Variants in RIPK1 observed in about 807,000 individuals in gnomAD.
RIPK1 encodes receptor interacting serine/threonine kinase 1.
In RIPK1, 27 loss-of-function variants were observed where a neutral mutation model predicts 62.4. The ratio of observed to expected loss-of-function variants is 0.43; its 90% CI spans 0.32 to 0.60. The LOEUF (loss-of-function observed/expected upper bound fraction) is 0.60, where lower values mean the gene tolerates loss of function less well. Among genes scored for constraint, RIPK1 ranks in the 20% least tolerant of loss-of-function variants. The probability of loss-of-function intolerance (pLI) is 0.07; values close to 1 mark genes in which losing one functional copy is unlikely to be tolerated. For missense variants in RIPK1, 735 were observed against 831.0 expected (o/e 0.88, Z 1.42); for synonymous variants, 287 against 303.2 (o/e 0.95, Z 0.55).
chr6:3,088,224 G>C (rs569714749), intron 6 of RIPK1, among the ~76,000 whole-genome samples: 1 of 152,232 alleles, frequency 6.6e-6, no homozygotes, highest in East Asian at 1.9e-4. Flanking sequence ...GCTGGGTAGA[G>C]GTAGAAGTTC....
intron 7 of RIPK1, among the ~76,000 whole-genome samples, chr6:3,094,874 C>T (rs1760202164): frequency 6.6e-6 from 1 of 151,778 alleles, no homozygotes; most frequent in African/African-American, 2.4e-5. Context: ...CCAGCCTAGG[C>T]CACACAGTGA....
At chr6:3,068,780 C>G (rs899787364) in intron 1 of RIPK1, 119 bp downstream of exon 1, 5 of 526,630 alleles carry the variant, frequency 9.5e-6, no homozygotes, top group Non-Finnish European at 1.2e-5. Context: ...GCTGCCGCGG[C>G]GTCGGAGTAA....
intron 1 of RIPK1, among the ~76,000 whole-genome samples, chr6:3,071,249 T>G (rs898569057): frequency 1.3e-5 from 2 of 152,200 alleles, no homozygotes; most frequent in African/African-American, 4.8e-5. Flanking sequence ...GCCATTCTCT[T>G]GTTATGTGTG....
intron 7 of RIPK1, among the ~76,000 whole-genome samples, chr6:3,090,048 G>A (rs749382290): frequency 3.3e-5 from 5 of 152,196 alleles, no homozygotes; most frequent in African/African-American, 7.2e-5. Context: ...AGTACCGGAG[G>A]GGCAGTCTTG....
chr6:3,085,110 T>C, intron 5 of RIPK1, 149 bp from the exon 6 acceptor site: 1 of 743,784 alleles, frequency 1.3e-6, no homozygotes. Flanking sequence ...TGTAGTGGAA[T>C]ATGTCAGCTC....
chr6:3,074,606 A>G (rs1042486479), intron 1 of RIPK1, among the ~76,000 whole-genome samples: 1 of 152,236 alleles, frequency 6.6e-6, no homozygotes, highest in African/African-American at 2.4e-5. Flanking sequence ...TGAAATTTCA[A>G]TGAATATTTT....
intron 6 of RIPK1, among the ~76,000 whole-genome samples, chr6:3,088,370 A>G (rs545942619): frequency 6.6e-6 from 1 of 152,308 alleles, no homozygotes; most frequent in African/African-American, 2.4e-5. Flanking sequence ...CTACTGGACA[A>G]TGTTAAAAGT....
intron 7 of RIPK1, among the ~76,000 whole-genome samples, chr6:3,100,023 G>A (rs1486119507): frequency 6.6e-6 from 1 of 151,990 alleles, no homozygotes; most frequent in Non-Finnish European, 1.5e-5. Flanking sequence ...AGAAAGAGGT[G>A]GAAACTAACA....
intron 9 of RIPK1, among the ~76,000 whole-genome samples, chr6:3,109,090 C>T (rs1761020816): frequency 6.6e-6 from 1 of 152,290 alleles, no homozygotes; most frequent in Non-Finnish European, 1.5e-5. Flanking sequence ...TCATTGAGCC[C>T]ATGCCCCGTA....
At chr6:3,090,839 A>G (rs1482682665) in intron 7 of RIPK1, among the ~76,000 whole-genome samples, 150 of 113,516 alleles carry the variant, frequency 1.3e-3, no homozygotes, top group African/African-American at 6.5e-3. Flanking sequence ...TACCTGCCGC[A>G]CCTAGTAACC....
chr6:3,073,065 C>G (rs1758823031), intron 1 of RIPK1, among the ~76,000 whole-genome samples: 1 of 152,028 alleles, frequency 6.6e-6, no homozygotes, highest in East Asian at 1.9e-4. Flanking sequence ...TAGCTAGAGA[C>G]ATAAAGCAGG....
chr6:3,067,266 A>C (rs1364118779), upstream of RIPK1, among the ~76,000 whole-genome samples: 2 of 152,012 alleles, frequency 1.3e-5, no homozygotes, highest in African/African-American at 4.8e-5. Flanking sequence ...GGTAAATACC[A>C]AGGTGTGGAG....
chr6:3,098,169 C>T (rs879308709), intron 7 of RIPK1, among the ~76,000 whole-genome samples: 2 of 151,276 alleles, frequency 1.3e-5, no homozygotes, highest in Non-Finnish European at 2.9e-5. Flanking sequence ...TGAATGAGAC[C>T]CCATCTCCAA....
At chr6:3,078,447 A>G (rs1176159585) in intron 3 of RIPK1, among the ~76,000 whole-genome samples, 1 of 152,232 alleles carries the variant, frequency 6.6e-6, no homozygotes, top group Non-Finnish European at 1.5e-5. Flanking sequence ...TCCTGTGGAC[A>G]GTCCTCCATA....
intron 4 of RIPK1, among the ~76,000 whole-genome samples, chr6:3,081,612 G>C (rs903108508): frequency 3.3e-5 from 5 of 152,110 alleles, no homozygotes; most frequent in Non-Finnish European, 5.9e-5. Flanking sequence ...TGTTATCTCA[G>C]CACTTTGGGA....
chr6:3,094,098 AG>A (rs1760144739), intron 7 of RIPK1, among the ~76,000 whole-genome samples: 1 of 140,776 alleles, frequency 7.1e-6, no homozygotes, highest in South Asian at 2.2e-4. Context: ...TCCTGCACCT[AG>A]TAACTGCAGA....
upstream of RIPK1, among the ~76,000 whole-genome samples, chr6:3,066,436 A>G (rs1758384111): frequency 6.6e-6 from 1 of 152,150 alleles, no homozygotes; most frequent in Non-Finnish European, 1.5e-5. Flanking sequence ...TCTTGTATCT[A>G]TCACCAGATG....
rs1036025872 is a variant in RIPK1 at position 3,089,361 on chromosome 6, G to T, written c.839-220G>T. Among the ~76,000 whole-genome samples, 2 of 152,182 alleles carry T rather than the reference G, an allele frequency of 1.3e-5. 1 individual carries two copies. Among genetic ancestry groups the T allele is most frequent in the Admixed American group, 1.3e-4 (2 of 15,280 alleles). ...CGAATAAAAAGCACAAAGAGCACAG[G>T]CTATTGAGGCAGAAACCCCTGGTTT... On this transcript the variant is annotated intron_variant, in intron 6 of 10. Coordinates refer to ENST00000259808, the MANE Select transcript of RIPK1 (RefSeq NM_001354930.2).
At chr6:3,069,566 G>T (rs1477694111) in intron 1 of RIPK1, among the ~76,000 whole-genome samples, 3 of 152,186 alleles carry the variant, frequency 2.0e-5, no homozygotes, top group Non-Finnish European at 4.4e-5. Context: ...CAAAGCAGGA[G>T]GCTGTTCCAA....
Sources: gnomAD v4.1 joint callset for allele counts (sites outside exome capture counted in the v4.1 genomes callset) on GRCh38, gnomAD v4.1.1 for gene constraint, MANE v1.5 for transcripts, NCBI Gene and HGNC (gene_info 2026-07-23, HGNC 2026-07-21) for gene names.